SIDT1: variants seen among roughly 807,000 people sequenced by gnomAD.
SIDT1 encodes SID1 transmembrane family, member 1.
In SIDT1, 101 loss-of-function variants were observed where a neutral mutation model predicts 107.5. The observed-to-expected ratio is 0.94, with a 90% confidence interval of 0.80 to 1.11. SIDT1 has a LOEUF of 1.11. Ranked by LOEUF, SIDT1 falls within the 50% of genes least tolerant of loss-of-function variation. The pLI is 0.00. For synonymous variants in SIDT1, 395 were observed against 398.2 expected, an observed-to-expected ratio of 0.99 and a Z score of 0.10; for missense variants, 1,076 against 1,058.2, an observed-to-expected ratio of 1.02 and a Z score of -0.23.
At chr3:113,612,504 G>T (rs1560127200) in intron 19 of SIDT1, 3 of 470,326 alleles carry the variant, frequency 6.4e-6, no homozygotes, top group Non-Finnish European at 1.2e-5. Context: ...TTGTATTAGA[G>T]AATGGTATGA....
intron 17 of SIDT1, among the ~76,000 whole-genome samples, chr3:113,610,655 C>A (rs11706463): frequency 0.21 from 31,400 of 152,170 alleles, 4,050 homozygotes; most frequent in East Asian, 0.3. Context: ...ATTAGGAATT[C>A]TTTTGTTATA....
intron 15 of SIDT1, among the ~76,000 whole-genome samples, chr3:113,607,394 G>A (rs1313925655): frequency 9.2e-5 from 14 of 152,208 alleles, no homozygotes; most frequent in Admixed American, 8.5e-4. Flanking sequence ...TCACAGGCAT[G>A]AGCTGGCAAC....
chr3:113,567,894 G>C (rs961575950), intron 3 of SIDT1, 184 bp downstream of exon 3: 3 of 570,774 alleles, frequency 5.3e-6, no homozygotes, highest in Non-Finnish European at 6.0e-6. Context: ...CAAAAGAGTG[G>C]GAGTGCAGAA....
intron 2 of SIDT1, among the ~76,000 whole-genome samples, chr3:113,567,049 TAAA>T (rs936439884): frequency 6.6e-6 from 1 of 152,082 alleles, no homozygotes; most frequent in African/African-American, 2.4e-5. Flanking sequence ...ACTGCACTAA[TAAA>T]AAAAACTTGG....
Position 113,581,464 on chromosome 3 carries a change from G to GGAGTCAGA in SIDT1, c.747+21_747+22insAGTCAGAG, listed in dbSNP as rs1216258856. ...CTACAGGTGAGGCATTGCTTCTGTG[G>GGAGTCAGA]GCATTATTGCCAATGGTAATGCTCA... On this transcript the variant is annotated intron_variant, in intron 6 of 24. Coordinates refer to ENST00000264852, the MANE Select transcript of SIDT1 (RefSeq NM_017699.3). 2 of 1,587,252 alleles carry GGAGTCAGA rather than the reference G, an allele frequency of 1.3e-6. No homozygotes were observed. Among genetic ancestry groups the GGAGTCAGA allele is most frequent in the African/African-American group, 2.7e-5 (2 of 74,282 alleles).
chr3:113,613,885 G>A (rs1945923206), intron 19 of SIDT1, among the ~76,000 whole-genome samples: 1 of 152,138 alleles, frequency 6.6e-6, no homozygotes, highest in African/African-American at 2.4e-5. Flanking sequence ...ATCATATTAT[G>A]ACCATGGAAT....
At chr3:113,572,128 AAAAG>A (rs1258814070) in intron 3 of SIDT1, among the ~76,000 whole-genome samples, 1 of 152,218 alleles carries the variant, frequency 6.6e-6, no homozygotes, top group African/African-American at 2.4e-5. Context: ...GGGGAAAAAG[AAAAG>A]AGAGAGTCAA....
At chr3:113,600,279 C>T (rs1256355165) in intron 10 of SIDT1, among the ~76,000 whole-genome samples, 1 of 151,986 alleles carries the variant, frequency 6.6e-6, no homozygotes, top group Non-Finnish European at 1.5e-5. Flanking sequence ...TACTGCACTC[C>T]AGCCTGGGTG....
At chr3:113,593,689 C>A (rs1944341036) in intron 10 of SIDT1, among the ~76,000 whole-genome samples, 1 of 152,188 alleles carries the variant, frequency 6.6e-6, no homozygotes, top group African/African-American at 2.4e-5. Flanking sequence ...TGTCCTATCC[C>A]AAAGCTGATT....
chr3:113,604,110 C>A, intron 13 of SIDT1, 77 bp downstream of exon 13: 2 of 1,050,232 alleles, frequency 1.9e-6, no homozygotes, highest in Non-Finnish European at 1.4e-6. Flanking sequence ...ACCACTTAGG[C>A]ACAAGGTTTT....
chr3:113,576,846 A>T lies in SIDT1; in HGVS notation c.516-76A>T, dbSNP rs369710378. ...CTACTTTAAGATGGCTTTCTTTTAAATAAATAATTTTTGCTCACTAACTTA... is the reference window on the plus strand; with the variant it reads ...CTACTTTAAGATGGCTTTCTTTTAATTAAATAATTTTTGCTCACTAACTTA... On this transcript the variant is annotated intron_variant, in intron 3 of 24. Coordinates refer to ENST00000264852, the MANE Select transcript of SIDT1 (RefSeq NM_017699.3). The T allele has an allele frequency of 2.0e-4, 298 of 1,467,806 alleles. No individual in the cohort carries two copies. In the African/African-American group the frequency reaches 3.8e-3, roughly 19 times the overall value. 90.9% of individuals were successfully genotyped at this position (1,467,806 alleles called of 1,614,324 possible).
At chr3:113,560,851 T>C (rs7613948) in intron 1 of SIDT1, among the ~76,000 whole-genome samples, 1 of 152,134 alleles carries the variant, frequency 6.6e-6, no homozygotes, top group African/African-American at 2.4e-5. Flanking sequence ...CTTTCCCTAC[T>C]GACATGCTGA....
At chr3:113,575,551 A>T (rs184965296) in intron 3 of SIDT1, among the ~76,000 whole-genome samples, 1 of 152,256 alleles carries the variant, frequency 6.6e-6, no homozygotes, top group Non-Finnish European at 1.5e-5. Context: ...GTTCTGCTTC[A>T]GAAGAACCAA....
At chr3:113,551,071 A>C (rs1278518370) in intron 1 of SIDT1, among the ~76,000 whole-genome samples, 1 of 152,190 alleles carries the variant, frequency 6.6e-6, no homozygotes, top group South Asian at 2.1e-4. Context: ...AGCTCCATCC[A>C]TGTCCCTGCA....
intron 1 of SIDT1, among the ~76,000 whole-genome samples, chr3:113,550,894 C>T (rs1482399835): frequency 6.6e-6 from 1 of 152,078 alleles, no homozygotes; most frequent in Non-Finnish European, 1.5e-5. Flanking sequence ...AGTTATTTTT[C>T]CTGATCCTCT....
At position 113,583,478 on chromosome 3, in the gene SIDT1, G is replaced by T. The variant is rs780717413; in HGVS notation, c.817G>T (p.Gly273Ter). The change falls in exon 7 of 25, where the codon GGA becomes TGA. Residue 273 changes from glycine to a stop codon, truncating the protein, a stop_gained. Transcript: ENST00000264852. LOFTEE classifies it high-confidence loss of function. ...VIKPEDYACG[G>*]SFFIQEKENQ... ...AAAGCCTGAAGATTATGCCTGTGGAGGATCTTTCTTCATCCAGGGTAAGAG... is the reference window on the plus strand; with the variant it reads ...AAAGCCTGAAGATTATGCCTGTGGATGATCTTTCTTCATCCAGGGTAAGAG... 6.3e-7 allele frequency: 1 copy of T among 1,595,098 alleles called. No individual in the cohort carries two copies. Among genetic ancestry groups the T allele is most frequent in the South Asian group, 1.1e-5 (1 of 88,440 alleles).
intron 1 of SIDT1, among the ~76,000 whole-genome samples, chr3:113,546,401 C>T (rs1277489151): frequency 6.6e-6 from 1 of 152,012 alleles, no homozygotes; most frequent in African/African-American, 2.4e-5. Context: ...AGAAGATTCC[C>T]ATAGGGTTCT....
chr3:113,619,268 G>A (rs576990688), intron 20 of SIDT1, among the ~76,000 whole-genome samples: 2 of 152,300 alleles, frequency 1.3e-5, no homozygotes, highest in African/African-American at 2.4e-5. Context: ...TGGGGCCTGA[G>A]AGTTGCAATA....
At chr3:113,608,261 A>G (rs1366103631) in intron 16 of SIDT1, 44 bp downstream of exon 16, 6 of 1,558,112 alleles carry the variant, frequency 3.9e-6, no homozygotes, top group African/African-American at 1.4e-5. Context: ...TATGGATCCA[A>G]ACAGGATCTG....
Sources: allele counts gnomAD v4.1 joint callset (sites outside exome capture counted in the v4.1 genomes callset), GRCh38; gene constraint gnomAD v4.1.1; transcripts MANE v1.5; gene names NCBI Gene and HGNC (gene_info 2026-07-23, HGNC 2026-07-21).